The following UBR2 variants were observed in gnomAD, a reference collection of about 807,000 sequenced individuals.
The protein encoded by UBR2 is E3 ubiquitin-protein ligase UBR2.
In UBR2, 92 loss-of-function variants were observed where a neutral mutation model predicts 247.9. The ratio of observed to expected loss-of-function variants is 0.37; its 90% CI spans 0.31 to 0.44. The LOEUF is 0.44. Among genes scored for constraint, UBR2 ranks in the 20% least tolerant of loss-of-function variants. The probability of loss-of-function intolerance (pLI) is 1.00; values close to 1 mark genes in which losing one functional copy is unlikely to be tolerated. For missense variants in UBR2, 1,613 were observed against 2,112.6 expected (o/e 0.76, Z 4.64); for synonymous variants, 672 against 693.5 (o/e 0.97, Z 0.49).
chr6:42,680,959 C>T (rs565159312), intron 42 of UBR2, among the ~76,000 whole-genome samples: 2 of 152,004 alleles, frequency 1.3e-5, no homozygotes, highest in South Asian at 2.1e-4. Context: ...GTCAGGAGAT[C>T]GAGACCATCC....
At chr6:42,651,876 T>G in intron 23 of UBR2, 147 bp from the exon 24 acceptor site, 1 of 628,316 alleles carries the variant, frequency 1.6e-6, no homozygotes, top group East Asian at 3.1e-5. Context: ...CTTTGGGAGG[T>G]TGAGGTGGGC....
intron 4 of UBR2, among the ~76,000 whole-genome samples, chr6:42,594,572 A>G (rs899179182): frequency 2.0e-5 from 3 of 152,142 alleles, no homozygotes; most frequent in African/African-American, 7.2e-5. Flanking sequence ...GTACTAACCT[A>G]TGGTTGAGAG....
intron 2 of UBR2, among the ~76,000 whole-genome samples, chr6:42,577,580 T>C (rs1240111682): frequency 1.4e-5 from 2 of 145,852 alleles, no homozygotes; most frequent in Non-Finnish European, 2.9e-5. Context: ...TAGTGTTGAT[T>C]TTGATAATTG....
In UBR2 at chr6:42,659,735, T is replaced by A. The variant is rs763943768; in HGVS notation, c.3322T>A (p.Cys1108Ser). 6.2e-7 allele frequency: 1 copy of A among 1,614,074 alleles called. No homozygotes were observed. The change falls in exon 30 of 47, where the codon TGT (cysteine) becomes AGT (serine). Residue 1108 changes from cysteine to serine, a missense_variant. Around this residue, in one of 3 missense-constraint regions of UBR2, gnomAD observed 1,524 missense variants for 1,967.3 expected, o/e 0.77. Coordinates refer to ENST00000372901, the MANE Select transcript of UBR2 (RefSeq NM_001363705.2). The surrounding 1 kb of genome is among the most constrained non-coding windows in gnomAD (Gnocchi z 4.3). ...QVPEQRQFVTCILCQEEQEVK... is the reference protein window; with the variant it reads ...QVPEQRQFVTSILCQEEQEVK... Reference sequence around the variant, plus strand: ...TCCTGAACAAAGACAATTCGTTACATGTATATTGTGTCAAGAGGAGCAAGA... The same window carrying A: ...TCCTGAACAAAGACAATTCGTTACAAGTATATTGTGTCAAGAGGAGCAAGA...
At chr6:42,632,523 C>A (rs766205367) in intron 11 of UBR2, 29 bp from the exon 12 acceptor site, 12 of 1,560,802 alleles carry the variant, frequency 7.7e-6, no homozygotes, top group Non-Finnish European at 1.0e-5. Context: ...TTTTTGATTA[C>A]CATGCACTCT....
chr6:42,564,175 T>G lies in UBR2; in HGVS notation c.-145T>G. On this transcript the variant is annotated 5_prime_UTR_variant, in exon 1 of 47. Transcript: ENST00000372901. ...TCCTTTCCGGTTCACGTCACCCTTC[T>G]CTCCCTCTGTTGCTCCACCTGCAGC... 1.2e-6 allele frequency: 1 copy of G among 858,346 alleles called. No homozygotes were observed. Among genetic ancestry groups the G allele is most frequent in the Non-Finnish European group, 1.8e-6 (1 of 561,382 alleles). 53.2% of individuals were successfully genotyped at this position (858,346 alleles called of 1,614,324 possible). A position where few individuals can be genotyped will look rare whatever the true frequency, so the allele number is the denominator to read the frequency against.
chr6:42,570,171 C>T (rs1791024564), intron 1 of UBR2, among the ~76,000 whole-genome samples: 2 of 152,214 alleles, frequency 1.3e-5, no homozygotes, highest in African/African-American at 2.4e-5. Flanking sequence ...GTTTAATCAG[C>T]TTAAAGTGCC....
intron 3 of UBR2, among the ~76,000 whole-genome samples, chr6:42,593,170 T>C (rs895961497): frequency 3.3e-5 from 5 of 152,048 alleles, no homozygotes; most frequent in African/African-American, 1.2e-4. Flanking sequence ...CGAGACTCCA[T>C]CCCAAAATAA....
chr6:42,688,862 TGA>T (rs1459379855), intron 45 of UBR2, among the ~76,000 whole-genome samples: 1 of 152,100 alleles, frequency 6.6e-6, no homozygotes, highest in Non-Finnish European at 1.5e-5. Flanking sequence ...TTGTTTTGTA[TGA>T]GAGAGAGGAC....
chr6:42,625,073 C>G (rs1243961857), intron 11 of UBR2, among the ~76,000 whole-genome samples: 2 of 152,170 alleles, frequency 1.3e-5, no homozygotes. Flanking sequence ...AGGTTAGAAG[C>G]AAGATGGAGT....
At chr6:42,574,696 CTTT>C (rs11305288) in intron 2 of UBR2, among the ~76,000 whole-genome samples, 1 of 135,960 alleles carries the variant, frequency 7.4e-6, no homozygotes, top group Non-Finnish European at 1.6e-5. Flanking sequence ...AGAAATTTTC[CTTT>C]TTTTTTTTTT....
intron 2 of UBR2, among the ~76,000 whole-genome samples, chr6:42,582,148 T>C (rs545968019): frequency 2.4e-4 from 36 of 151,982 alleles, no homozygotes; most frequent in Non-Finnish European, 4.7e-4. Context: ...CCGGGCGTGG[T>C]GGCGGGCACC....
intron 9 of UBR2, among the ~76,000 whole-genome samples, chr6:42,615,447 ATTTTGCTCC>A (rs1387545515): frequency 6.6e-6 from 1 of 152,130 alleles, no homozygotes; most frequent in Admixed American, 6.5e-5. Context: ...GAAAATATGT[ATTTTGCTCC>A]TTTTTTGAAG....
At chr6:42,584,909 G>A (rs1792157214) in intron 2 of UBR2, among the ~76,000 whole-genome samples, 1 of 151,936 alleles carries the variant, frequency 6.6e-6, no homozygotes, top group South Asian at 2.1e-4. Context: ...TGTTTCTTAG[G>A]ATTTTCCTAT....
intron 38 of UBR2, among the ~76,000 whole-genome samples, chr6:42,675,082 A>G (rs1798645372): frequency 1.3e-5 from 2 of 152,160 alleles, no homozygotes; most frequent in South Asian, 2.1e-4. Context: ...TAAGTTGGTT[A>G]GTACCTACTT....
At chr6:42,658,878 G>A in intron 29 of UBR2, 54 bp downstream of exon 29, 5 of 1,475,320 alleles carry the variant, frequency 3.4e-6, no homozygotes, top group Non-Finnish European at 4.5e-6. Flanking sequence ...CCCAACTAGG[G>A]GCAGTGTTGC....
chr6:42,564,745 C>T (rs1282887793), intron 1 of UBR2, among the ~76,000 whole-genome samples: 4 of 152,174 alleles, frequency 2.6e-5, no homozygotes, highest in Admixed American at 2.6e-4. Context: ...GGAGAAGAGA[C>T]GCTTCTTGTG....
At chr6:42,572,780 T>C (rs915377441) in intron 1 of UBR2, among the ~76,000 whole-genome samples, 1 of 151,670 alleles carries the variant, frequency 6.6e-6, no homozygotes, top group Non-Finnish European at 1.5e-5. Flanking sequence ...CTTGGCTCAC[T>C]ACAACCTCTG....
intron 2 of UBR2, among the ~76,000 whole-genome samples, chr6:42,580,758 G>C (rs1351926146): frequency 6.6e-6 from 1 of 152,166 alleles, no homozygotes; most frequent in Non-Finnish European, 1.5e-5. Context: ...GGCCAGGATG[G>C]TCTCGATCTC....
Sources: gnomAD v4.1 joint callset for allele counts (sites outside exome capture counted in the v4.1 genomes callset) on GRCh38, gnomAD v4.1.1 for gene constraint, gnomAD v4.1.1 regional missense constraint, Gnocchi (gnomAD v3.1) non-coding constraint, MANE v1.5 for transcripts, NCBI Gene and HGNC (gene_info 2026-07-23, HGNC 2026-07-21) for gene names.